The following AKAP13 variants were observed in gnomAD, a reference collection of about 807,000 sequenced individuals.
The protein encoded by AKAP13 is A-kinase anchoring protein 13.
Under a neutral mutation model 264.5 loss-of-function variants are expected in AKAP13, and 80 were observed. The observed-to-expected ratio is 0.30, with a 90% CI of 0.25 to 0.36. AKAP13 has a LOEUF of 0.36. Ranked by LOEUF, AKAP13 falls within the 10% of genes least tolerant of loss-of-function variation. The probability of loss-of-function intolerance (pLI) is 1.00; values close to 1 mark genes in which losing one functional copy is unlikely to be tolerated. For missense variants in AKAP13, 3,712 were observed against 3,435.2 expected, an observed-to-expected ratio of 1.08 and a Z score of -2.01; for synonymous variants, 1,380 against 1,250.2, an observed-to-expected ratio of 1.10 and a Z score of -2.19.
intron 8 of AKAP13, among the ~76,000 whole-genome samples, chr15:85,606,555 A>C (rs1330204737): frequency 6.6e-6 from 1 of 152,244 alleles, no homozygotes; most frequent in Non-Finnish European, 1.5e-5. Context: ...ACAGGCCCCT[A>C]CTTAACTGTG....
Position 85,530,306 on chromosome 15 carries a change from G to A in AKAP13, c.182-3278G>A, listed in dbSNP as rs991775688. Among the ~76,000 whole-genome samples the A allele has an allele frequency of 2.0e-5, 3 of 152,144 alleles. No homozygotes were observed. In the South Asian group the frequency reaches 6.2e-4, roughly 32 times the overall value. ...CTGATACTTACTTTGGCACTTCACA[G>A]TTTTGGGTAAGGTAGCATTGCTTCA... is the stretch of plus-strand genomic sequence containing the variant. On this transcript the variant is annotated intron_variant, in intron 3 of 36. Transcript: ENST00000394518.
At chr15:85,448,863 T>TTC (rs1207011267) in intron 1 of AKAP13, among the ~76,000 whole-genome samples, 1 of 151,050 alleles carries the variant, frequency 6.6e-6, no homozygotes, top group Admixed American at 6.6e-5. Context: ...TTTTTTTTTT[T>TTC]CTGAAAAGAA....
chr15:85,469,205 G>A (rs541985457), intron 1 of AKAP13, among the ~76,000 whole-genome samples: 3 of 150,420 alleles, frequency 2.0e-5, no homozygotes, highest in Non-Finnish European at 3.0e-5. Flanking sequence ...GTGAGCCACC[G>A]CACCAGGCCA....
At chr15:85,633,393 C>T (rs1161664656) in intron 8 of AKAP13, among the ~76,000 whole-genome samples, 1 of 151,634 alleles carries the variant, frequency 6.6e-6, no homozygotes, top group African/African-American at 2.4e-5. Context: ...TTTTTCCCTT[C>T]CAGCTTAAAA....
chr15:85,434,113 C>T (rs1425787475), intron 1 of AKAP13, among the ~76,000 whole-genome samples: 1 of 151,514 alleles, frequency 6.6e-6, no homozygotes, highest in Non-Finnish European at 1.5e-5. Context: ...AGTGGGTGCG[C>T]GCACCGTGCG....
intron 5 of AKAP13, among the ~76,000 whole-genome samples, chr15:85,566,989 T>G (rs961776524): frequency 4.6e-5 from 7 of 152,178 alleles, no homozygotes; most frequent in Non-Finnish European, 7.3e-5. Flanking sequence ...GTAATCATAG[T>G]ATATTACTTA....
At chr15:85,473,768 C>G (rs1261087780) in intron 1 of AKAP13, among the ~76,000 whole-genome samples, 1 of 152,188 alleles carries the variant, frequency 6.6e-6, no homozygotes, top group Non-Finnish European at 1.5e-5. Flanking sequence ...CCAGGGGCCT[C>G]CCTCCTCTGT....
chr15:85,481,861 G>T, intron 1 of AKAP13, among the ~76,000 whole-genome samples: 1 of 152,210 alleles, frequency 6.6e-6, no homozygotes, highest in East Asian at 1.9e-4. Context: ...ACTGGCTACT[G>T]GGTGAGGAAG....
intron 8 of AKAP13, among the ~76,000 whole-genome samples, chr15:85,599,047 G>T (rs1464428247): frequency 6.6e-6 from 1 of 152,202 alleles, no homozygotes; most frequent in Non-Finnish European, 1.5e-5. Flanking sequence ...TTTCCCTAAT[G>T]GGATGATGGA....
At chr15:85,441,978 T>G (rs1400692919) in intron 1 of AKAP13, among the ~76,000 whole-genome samples, 1 of 152,204 alleles carries the variant, frequency 6.6e-6, no homozygotes, top group Non-Finnish European at 1.5e-5. Flanking sequence ...GAACAACGAA[T>G]AGAGTTCTGG....
chr15:85,498,197 GAGATATATAT>G lies in AKAP13; in HGVS notation c.33+12446_33+12455del, dbSNP rs750992800. Among the ~76,000 whole-genome samples the G allele has an allele frequency of 1.5e-3, 44 of 30,088 alleles. 1 individual carries two copies. The highest frequency in any genetic ancestry group is 3.1e-3 in the African/African-American group (18 of 5,724). 19.7% of individuals were successfully genotyped at this position (30,088 alleles called of 152,430 possible). ...TGTGGTAGTAAGGATTAAATGAAGT[GAGATATATAT>G]ATATATATATATATATATATCACAT... On this transcript the variant is annotated intron_variant, in intron 2 of 36. Coordinates refer to ENST00000394518, the MANE Select transcript of AKAP13 (RefSeq NM_007200.5).
chr15:85,670,900 C>T (rs1037480367), intron 14 of AKAP13: 3 of 152,168 alleles, frequency 2.0e-5, no homozygotes, highest in Non-Finnish European at 4.4e-5. Flanking sequence ...CAAAAACATA[C>T]TTGGATTGGA....
intron 5 of AKAP13, among the ~76,000 whole-genome samples, chr15:85,571,558 A>G (rs1398885711): frequency 6.6e-6 from 1 of 152,254 alleles, no homozygotes; most frequent in East Asian, 1.9e-4. Flanking sequence ...GTATTTTCTG[A>G]AATGTCACAT....
At chr15:85,673,838 A>C in intron 14 of AKAP13, among the ~76,000 whole-genome samples, 1 of 142,936 alleles carries the variant, frequency 7.0e-6, no homozygotes. Flanking sequence ...GGTGCCCGCC[A>C]CCACACCCGG....
chr15:85,391,870 CG>C (rs892927630), intron 1 of AKAP13, among the ~76,000 whole-genome samples: 26 of 151,320 alleles, frequency 1.7e-4, no homozygotes, highest in African/African-American at 5.8e-4. Flanking sequence ...CTGCAACCTC[CG>C]TCTCCCAGGT....
intron 1 of AKAP13, among the ~76,000 whole-genome samples, chr15:85,460,492 A>G (rs1289597886): frequency 6.6e-6 from 1 of 152,206 alleles, no homozygotes; most frequent in Non-Finnish European, 1.5e-5. Context: ...GCCATTTATG[A>G]TACTTTCTGT....
chr15:85,551,082 T>A (rs2077946394), intron 5 of AKAP13, among the ~76,000 whole-genome samples: 1 of 152,154 alleles, frequency 6.6e-6, no homozygotes, highest in African/African-American at 2.4e-5. Context: ...TTCATAGAAT[T>A]TTGTGAGGAG....
intron 1 of AKAP13, among the ~76,000 whole-genome samples, chr15:85,461,670 T>C (rs1656653219): frequency 6.6e-6 from 1 of 152,118 alleles, no homozygotes; most frequent in South Asian, 2.1e-4. Flanking sequence ...TTGTTAACTT[T>C]TTTTCTTTCT....
intron 14 of AKAP13, among the ~76,000 whole-genome samples, chr15:85,672,736 T>C (rs750116876): frequency 1.5e-4 from 23 of 152,250 alleles, no homozygotes; most frequent in Non-Finnish European, 2.8e-4. Context: ...GATGATAATG[T>C]GATGTGGCTT....
Sources: allele counts gnomAD v4.1 joint callset (sites outside exome capture counted in the v4.1 genomes callset), GRCh38; gene constraint gnomAD v4.1.1; transcripts MANE v1.5; gene names NCBI Gene and HGNC (gene_info 2026-07-23, HGNC 2026-07-21).